ESR1: variants seen among roughly 807,000 people sequenced by gnomAD.
ESR1 encodes estrogen receptor 1, also known as estrogen receptor.
ESR1 carries 12 observed loss-of-function variants against 52.7 expected under a neutral mutation model. The ratio of observed to expected loss-of-function variants is 0.23; its 90% CI spans 0.15 to 0.37. The LOEUF (loss-of-function observed/expected upper bound fraction) is 0.37. Ranked by LOEUF, ESR1 falls within the 10% of genes least tolerant of loss-of-function variation. The pLI, the probability that ESR1 is intolerant of heterozygous loss-of-function variation, is 1.00. For synonymous variants in ESR1, 305 were observed against 316.8 expected (o/e 0.96, Z 0.39); for missense variants, 584 against 779.7 (o/e 0.75, Z 2.99).
In ESR1 at chr6:151,944,198, G is replaced by C. The variant is rs2035444571; in HGVS notation, c.786G>C (p.Gly262=). 6.2e-7 allele frequency: 1 copy of C among 1,614,044 alleles called. No individual in the cohort carries two copies. Residue 262 remains glycine, a synonymous_variant, in exon 4 of 8, where the codon GGG becomes GGC. Coordinates refer to ENST00000206249, the MANE Select transcript of ESR1 (RefSeq NM_000125.4). ...GGATACGAAAAGACCGAAGAGGAGGGAGAATGTTGAAACACAAGCGCCAGA... is the reference window on the plus strand; with the variant it reads ...GGATACGAAAAGACCGAAGAGGAGGCAGAATGTTGAAACACAAGCGCCAGA... ...KGGIRKDRRG[G]RMLKHKRQRD...
At chr6:152,052,810 A>G (rs1031524006) in intron 5 of ESR1, among the ~76,000 whole-genome samples, 1 of 152,136 alleles carries the variant, frequency 6.6e-6, no homozygotes, top group African/African-American at 2.4e-5. Flanking sequence ...CAGCACGGGC[A>G]AGTGTTCTGG....
At chr6:151,997,743 T>C (rs1428577179) in intron 4 of ESR1, among the ~76,000 whole-genome samples, 3 of 152,126 alleles carry the variant, frequency 2.0e-5, no homozygotes, top group Non-Finnish European at 4.4e-5. Context: ...TTTGATAGAG[T>C]TCAAACTTTA....
At chr6:152,110,639 C>T (rs2051120932) in intron 6 of ESR1, among the ~76,000 whole-genome samples, 1 of 152,126 alleles carries the variant, frequency 6.6e-6, no homozygotes, top group African/African-American at 2.4e-5. Context: ...CACACATTTA[C>T]CTACATAACC....
In ESR1 at chr6:151,712,078, C is replaced by T. The variant is rs180739626; in HGVS notation, c.-71+10073C>T. 9.9e-5 allele frequency among the ~76,000 whole-genome samples: 15 copies of T among 152,262 alleles called. 1 individual carries two copies. Among genetic ancestry groups the T allele is most frequent in the African/African-American group, 3.6e-4 (15 of 41,542 alleles). ...TCTGCATATGGCTCGCCAGTTTTCC[C>T]ATCACCATTTATTAAATAGGGAATC... On this transcript the variant is annotated intron_variant, in intron 2 of 2. Transcript: ENST00000404742.
At chr6:151,971,071 T>G (rs2038862091) in intron 4 of ESR1, among the ~76,000 whole-genome samples, 2 of 152,220 alleles carry the variant, frequency 1.3e-5, no homozygotes, top group Admixed American at 1.3e-4. Context: ...CATAGCATCT[T>G]ATACACCATA....
At chr6:151,946,404 A>G in intron 4 of ESR1, among the ~76,000 whole-genome samples, 1 of 152,222 alleles carries the variant, frequency 6.6e-6, no homozygotes, top group Non-Finnish European at 1.5e-5. Context: ...TTAAGCTCAA[A>G]TACATTACCA....
chr6:152,058,950 G>T (rs147452699), intron 5 of ESR1, among the ~76,000 whole-genome samples: 1 of 151,832 alleles, frequency 6.6e-6, no homozygotes, highest in Non-Finnish European at 1.5e-5. Context: ...AATCTTAGAG[G>T]TCACTTCTAA....
At chr6:151,694,969 T>C (rs1408674205) in intron 1 of ESR1, among the ~76,000 whole-genome samples, 3 of 152,096 alleles carry the variant, frequency 2.0e-5, no homozygotes, top group African/African-American at 4.8e-5. Context: ...GGTGGAAGTG[T>C]GGGTGGGGAG....
rs1009534599 is a variant in ESR1, at chr6:151,990,942, A to T, written c.1097-20714A>T. On this transcript the variant is annotated intron_variant, in intron 4 of 7. Coordinates refer to ENST00000206249, the MANE Select transcript of ESR1 (RefSeq NM_000125.4). ...AAACATGTATAAATTTGTTTCCTACACTAAAAAGAAAAATGACAAAGAAGA... is the reference window on the plus strand; with the variant it reads ...AAACATGTATAAATTTGTTTCCTACTCTAAAAAGAAAAATGACAAAGAAGA... Among the ~76,000 whole-genome samples, 6 of 152,176 alleles carry T rather than the reference A, an allele frequency of 3.9e-5. No homozygotes were observed. The South Asian group carries it at 1.0e-3, about 26-fold the overall frequency.
intron 2 of ESR1, among the ~76,000 whole-genome samples, chr6:151,792,276 G>A (rs1484277819): frequency 2.0e-5 from 3 of 152,190 alleles, no homozygotes; most frequent in South Asian, 2.1e-4. Flanking sequence ...GAGAGTCAGC[G>A]AATGGCTGAT....
At chr6:151,898,655 C>T (rs1795947657) in intron 3 of ESR1, among the ~76,000 whole-genome samples, 1 of 152,088 alleles carries the variant, frequency 6.6e-6, no homozygotes, top group Non-Finnish European at 1.5e-5. Flanking sequence ...TCTTGCACCG[C>T]CCTTAATCCA....
intron 4 of ESR1, among the ~76,000 whole-genome samples, chr6:151,971,118 A>T (rs1392038040): frequency 1.3e-5 from 2 of 152,196 alleles, no homozygotes; most frequent in African/African-American, 4.8e-5. Context: ...CATTTGTATT[A>T]AATTTTTACC....
chr6:151,880,977 A>T (rs1385413225), intron 3 of ESR1, among the ~76,000 whole-genome samples: 1 of 152,256 alleles, frequency 6.6e-6, no homozygotes, highest in Non-Finnish European at 1.5e-5. Context: ...GGAAATTCTA[A>T]CATGGCATTT....
chr6:151,809,031 C>G, intron 1 of ESR1: 1 of 267,012 alleles, frequency 3.7e-6, no homozygotes, highest in East Asian at 1.5e-4. Flanking sequence ...GAGCGGATTG[C>G]TGGCATGTGA....
intron 5 of ESR1, among the ~76,000 whole-genome samples, chr6:152,013,086 G>C (rs2042908907): frequency 6.6e-6 from 1 of 152,204 alleles, no homozygotes; most frequent in Non-Finnish European, 1.5e-5. Context: ...AAATTATCAA[G>C]AATGGCCACT....
intron 7 of ESR1, among the ~76,000 whole-genome samples, chr6:152,096,474 G>T (rs1164866461): frequency 6.6e-6 from 1 of 152,102 alleles, no homozygotes; most frequent in African/African-American, 2.4e-5. Flanking sequence ...CATTTTCTTT[G>T]TATCCCTCAC....
chr6:152,062,480 G>A (rs2047626305), intron 6 of ESR1, among the ~76,000 whole-genome samples: 1 of 152,220 alleles, frequency 6.6e-6, no homozygotes, highest in Admixed American at 6.5e-5. Context: ...GAAGTCCCAT[G>A]ATAAATGATG....
chr6:151,697,591 C>A (rs1779450865), intron 1 of ESR1, among the ~76,000 whole-genome samples: 1 of 152,122 alleles, frequency 6.6e-6, no homozygotes, highest in Admixed American at 6.6e-5. Context: ...AGAAAATGAT[C>A]ATATTTCTGT....
At chr6:151,902,483 A>G (rs772200732) in intron 3 of ESR1, among the ~76,000 whole-genome samples, 11 of 152,222 alleles carry the variant, frequency 7.2e-5, no homozygotes, top group Non-Finnish European at 1.0e-4. Context: ...CTGAGACTCA[A>G]AGACATGAAC....
Sources: allele counts gnomAD v4.1 joint callset (sites outside exome capture counted in the v4.1 genomes callset), GRCh38; gene constraint gnomAD v4.1.1; transcripts MANE v1.5; gene names NCBI Gene and HGNC (gene_info 2026-07-23, HGNC 2026-07-21).